Variants in HSPA4L observed in about 807,000 individuals in gnomAD.
HSPA4L encodes the protein heat shock 70 kDa protein 4L.
Under a neutral mutation model 100.3 loss-of-function variants are expected in HSPA4L, and 48 were observed. That is an observed-to-expected ratio of 0.48 (90% CI 0.38 to 0.61). The LOEUF (loss-of-function observed/expected upper bound fraction) is 0.61, where lower values mean the gene tolerates loss of function less well. Among genes scored for constraint, HSPA4L ranks in the 20% least tolerant of loss-of-function variants. HSPA4L has a pLI of 0.00. For synonymous variants in HSPA4L, 319 were observed against 328.2 expected (o/e 0.97, Z 0.30); for missense variants, 886 against 988.6 (o/e 0.90, Z 1.39).
chr4:127,809,530 C>T (rs1275987249), intron 11 of HSPA4L: 4 of 827,814 alleles, frequency 4.8e-6, no homozygotes, highest in Non-Finnish European at 8.5e-6. Flanking sequence ...GCCAAAGCTA[C>T]TGTCATTCAG....
intron 14 of HSPA4L, among the ~76,000 whole-genome samples, chr4:127,821,611 C>A (rs996107997): frequency 6.6e-6 from 1 of 152,086 alleles, no homozygotes. Flanking sequence ...AACTGAGACA[C>A]AAGTAGACTA....
At chr4:127,813,298 G>GT in intron 12 of HSPA4L, 2 of 681,050 alleles carry the variant, frequency 2.9e-6, no homozygotes, top group Non-Finnish European at 5.1e-6. Context: ...GTTGCTTTTT[G>GT]TTTTTATTAA....
intron 17 of HSPA4L, among the ~76,000 whole-genome samples, chr4:127,828,377 C>T (rs1304978717): frequency 1.3e-5 from 2 of 152,034 alleles, no homozygotes; most frequent in Non-Finnish European, 2.9e-5. Flanking sequence ...ATTTTAAGTA[C>T]TTTATGTGGA....
At position 127,803,991 on chromosome 4, in the gene HSPA4L, TTTA is replaced by T. The variant is rs1733273792; in HGVS notation, c.909-17_909-15del. 2 of 1,612,210 alleles carry T rather than the reference TTTA, an allele frequency of 1.2e-6. No individual in the cohort carries two copies. Among genetic ancestry groups the T allele is most frequent in the East Asian group, 4.5e-5 (2 of 44,850 alleles). The stretch of plus-strand genomic sequence containing the variant: ...AACTTTTAATCCCAGAATAATGAAT[TTTA>T]TTCTATTTTCTCACAGGGCTCAATT... On this transcript the variant is annotated splice_polypyrimidine_tract_variant and intron_variant, in intron 7 of 18. Coordinates refer to ENST00000296464, the MANE Select transcript of HSPA4L (RefSeq NM_014278.4).
intron 14 of HSPA4L, among the ~76,000 whole-genome samples, chr4:127,820,932 T>C (rs1733793858): frequency 6.6e-6 from 1 of 152,174 alleles, no homozygotes; most frequent in African/African-American, 2.4e-5. Context: ...TTCAAAATGT[T>C]TTCTGACATC....
intron 1 of HSPA4L, among the ~76,000 whole-genome samples, chr4:127,783,893 C>T (rs1399948459): frequency 6.6e-6 from 1 of 152,158 alleles, no homozygotes; most frequent in Admixed American, 6.5e-5. Flanking sequence ...AGGTTTTATA[C>T]CTTTTTTCGT....
At chr4:127,790,887 G>T (rs1455041425) in intron 1 of HSPA4L, among the ~76,000 whole-genome samples, 1 of 152,196 alleles carries the variant, frequency 6.6e-6, no homozygotes, top group East Asian at 1.9e-4. Context: ...CACTTTGGGA[G>T]GCCAAGGCAG....
In HSPA4L at chr4:127,782,362, C is replaced by T. The variant is rs1732581296; in HGVS notation, c.-189C>T. 1.0e-5 allele frequency: 6 copies of T among 579,616 alleles called. No individual in the cohort carries two copies. Among genetic ancestry groups the T allele is most frequent in the South Asian group, 2.0e-5 (1 of 50,048 alleles). The allele number at this position is 579,616 out of a possible 1,614,324, so 35.9% of individuals were successfully genotyped here. On this transcript the variant is annotated 5_prime_UTR_variant, in exon 1 of 19. Transcript: ENST00000296464. The stretch of plus-strand genomic sequence containing the variant: ...AGGCTGCGGGACGCGGTGCAGGCTG[C>T]GGCGCTGACGGCCTCTGCTCCTTCC...
intron 11 of HSPA4L, among the ~76,000 whole-genome samples, chr4:127,808,788 T>C (rs1385637900): frequency 6.6e-6 from 1 of 152,172 alleles, no homozygotes; most frequent in Non-Finnish European, 1.5e-5. Flanking sequence ...CTGGGTGTGG[T>C]GGCACACACT....
chr4:127,785,225 G>GA (rs1560648620), intron 1 of HSPA4L, among the ~76,000 whole-genome samples: 3 of 151,960 alleles, frequency 2.0e-5, no homozygotes, highest in African/African-American at 7.3e-5. Context: ...AGTTGAAGAG[G>GA]GAGAGAGAAA....
At chr4:127,812,205 C>T (rs894025970) in intron 12 of HSPA4L, among the ~76,000 whole-genome samples, 7 of 151,690 alleles carry the variant, frequency 4.6e-5, no homozygotes, top group African/African-American at 1.5e-4. Context: ...GTCAGGAGAT[C>T]GAGACCATCC....
intron 12 of HSPA4L, among the ~76,000 whole-genome samples, chr4:127,812,007 T>A (rs965593419): frequency 1.3e-5 from 2 of 152,204 alleles, no homozygotes; most frequent in Admixed American, 1.3e-4. Context: ...AACTATACAT[T>A]CTTTTTAGAT....
intron 5 of HSPA4L, 139 bp downstream of exon 5, chr4:127,801,376 C>T (rs1578699073): frequency 3.2e-6 from 2 of 629,680 alleles, no homozygotes; most frequent in East Asian, 5.7e-5. Flanking sequence ...CTGCAGTGAG[C>T]TATGATCATA....
At chr4:127,811,013 T>C (rs1280035851) in intron 11 of HSPA4L, among the ~76,000 whole-genome samples, 2 of 152,176 alleles carry the variant, frequency 1.3e-5, no homozygotes, top group Non-Finnish European at 2.9e-5. Context: ...AATTGCTTTA[T>C]TTATGAATTA....
At chr4:127,793,636 T>G (rs1732936769) in intron 1 of HSPA4L, among the ~76,000 whole-genome samples, 2 of 152,344 alleles carry the variant, frequency 1.3e-5, no homozygotes, top group Admixed American at 6.5e-5. Context: ...AATTCTCACA[T>G]AACCATATGA....
chr4:127,833,039 A>G lies in HSPA4L; in HGVS notation c.*165A>G. 2.1e-6 allele frequency: 1 copy of G among 470,262 alleles called. No homozygotes were observed. Among genetic ancestry groups the G allele is most frequent in the South Asian group, 5.3e-5 (1 of 18,786 alleles). 29.1% of individuals were successfully genotyped at this position (470,262 alleles called of 1,614,324 possible). A position where few individuals can be genotyped will look rare whatever the true frequency, so the allele number is the denominator to read the frequency against. On this transcript the variant is annotated 3_prime_UTR_variant, in exon 19 of 19. Transcript: ENST00000296464. ...TTTTATATTGAGTGCACTTCTGTTC[A>G]TTTCCATTGCTGCTTATATGCAGTG...
chr4:127,806,311 A>G (rs1291391408), intron 10 of HSPA4L, among the ~76,000 whole-genome samples: 1 of 151,972 alleles, frequency 6.6e-6, no homozygotes, highest in East Asian at 1.9e-4. Flanking sequence ...GTATTAAGTC[A>G]TATTTTTGCT....
chr4:127,809,048 T>G lies in HSPA4L; in HGVS notation c.1378+919T>G. 3 of 518,708 alleles carry G rather than the reference T, an allele frequency of 5.8e-6. No individual in the cohort carries two copies. The South Asian group carries it at 7.8e-5, about 13-fold the overall frequency. The allele number at this position is 518,708 out of a possible 1,614,324, so 32.1% of individuals were successfully genotyped here. A position where few individuals can be genotyped will look rare whatever the true frequency, so the allele number is the denominator to read the frequency against. ...TACTGGCAACAACTAGAATGACTAT[T>G]ACTGGATTAATATGAAGGTGAGGGC... On this transcript the variant is annotated intron_variant, in intron 11 of 18. Coordinates refer to ENST00000296464, the MANE Select transcript of HSPA4L (RefSeq NM_014278.4).
chr4:127,785,899 ATCCTTCAAGTAAAT>A (rs1732703221), intron 1 of HSPA4L, among the ~76,000 whole-genome samples: 1 of 152,170 alleles, frequency 6.6e-6, no homozygotes, highest in Non-Finnish European at 1.5e-5. Context: ...TAAATTTTTG[ATCCTTCAAGTAAAT>A]TCCTAGAAGT....
Sources: allele counts gnomAD v4.1 joint callset (sites outside exome capture counted in the v4.1 genomes callset), GRCh38; gene constraint gnomAD v4.1.1; transcripts MANE v1.5; gene names NCBI Gene and HGNC (gene_info 2026-07-23, HGNC 2026-07-21).